Variants in PDZD2 observed in about 807,000 individuals in gnomAD.
PDZD2 encodes the protein PDZ domain-containing protein 2.
Under a neutral mutation model 220.7 loss-of-function variants are expected in PDZD2, and 90 were observed. That is an observed-to-expected ratio of 0.41 (90% CI 0.34 to 0.49). The LOEUF is 0.49. PDZD2 is among the 20% of genes least tolerant of loss of function. PDZD2 has a pLI of 0.28. For missense variants in PDZD2, 3,174 were observed against 3,608.5 expected (o/e 0.88, Z 3.08); for synonymous variants, 1,375 against 1,450.5 (o/e 0.95, Z 1.18).
chr5:31,838,766 G>A (rs1757094329), intron 2 of PDZD2, among the ~76,000 whole-genome samples: 1 of 152,198 alleles, frequency 6.6e-6, no homozygotes, highest in Non-Finnish European at 1.5e-5. Context: ...AGCACAGTCA[G>A]GGCATCTAGG....
intron 2 of PDZD2, among the ~76,000 whole-genome samples, chr5:31,948,063 GA>G (rs1178942975): frequency 6.6e-6 from 1 of 152,170 alleles, no homozygotes; most frequent in Non-Finnish European, 1.5e-5. Context: ...ACAGGTGGAA[GA>G]AATACTTTAT....
At position 32,072,185 on chromosome 5, in the gene PDZD2, C is replaced by T. The variant is rs146992641; in HGVS notation, c.2593C>T (p.Leu865Phe). 4 of 1,611,076 alleles carry T rather than the reference C, an allele frequency of 2.5e-6. No individual in the cohort carries two copies. The highest frequency in any genetic ancestry group is 4.5e-5 in the East Asian group (2 of 44,846). ...GGACTCCCTTATTTCTGAATCTGAA[C>T]TCTCCCAGTACTTTGCCCACGATGT... ...KKDSLISESE[L>F]SQYFAHDVPG... Residue 865 changes from leucine to phenylalanine, a missense_variant, in exon 17 of 25, where the codon CTC becomes TTC. By Grantham distance (22) the Leu-to-Phe change is conservative. Coordinates refer to ENST00000438447, the MANE Select transcript of PDZD2 (RefSeq NM_178140.4).
intron 2 of PDZD2, among the ~76,000 whole-genome samples, chr5:31,888,518 T>C (rs921391757): frequency 1.3e-5 from 2 of 151,450 alleles, no homozygotes; most frequent in Non-Finnish European, 3.0e-5. Flanking sequence ...AAAAAGAAAA[T>C]GGGATTGGAT....
intron 2 of PDZD2, among the ~76,000 whole-genome samples, chr5:31,886,180 T>C (rs1580993531): frequency 6.6e-6 from 1 of 152,188 alleles, no homozygotes; most frequent in South Asian, 2.1e-4. Context: ...GTTACAGGCG[T>C]GAGCCACTGT....
chr5:32,091,211 C>T, intron 20 of PDZD2, 36 bp downstream of exon 20: 1 of 1,426,602 alleles, frequency 7.0e-7, no homozygotes, highest in Non-Finnish European at 9.4e-7. Flanking sequence ...TTCAGATAAA[C>T]TTGTTTCATT....
intron 1 of PDZD2, among the ~76,000 whole-genome samples, chr5:31,679,594 A>G (rs1008198629): frequency 1.3e-5 from 2 of 152,114 alleles, no homozygotes; most frequent in African/African-American, 4.8e-5. Flanking sequence ...TGCAACCTCA[A>G]CCTCCCAAGT....
rs768296594 is a variant in PDZD2, at chr5:32,089,584, T to C, written c.6136T>C (p.Ser2046Pro). 1.9e-6 allele frequency: 3 copies of C among 1,612,554 alleles called. No homozygotes were observed. Among genetic ancestry groups the C allele is most frequent in the Non-Finnish European group, 2.5e-6 (3 of 1,179,988 alleles). ...VSPAASRNGM[S>P]VAGNRQSEPR... The stretch of plus-strand genomic sequence containing the variant: ...TCCGGCAGCGTCTAGGAACGGCATG[T>C]CCGTGGCAGGGAACAGACAGAGTGA... The change falls in exon 20 of 25, where the codon TCC becomes CCC. Residue 2046 changes from serine to proline, a missense_variant. Physicochemically the swap from Ser to Pro is moderately conservative, Grantham distance 74 (BLOSUM62 -1). Coordinates refer to ENST00000438447, the MANE Select transcript of PDZD2 (RefSeq NM_178140.4).
chr5:31,951,348 T>C (rs10472798), intron 2 of PDZD2, among the ~76,000 whole-genome samples: 43,761 of 152,078 alleles, frequency 0.29, 6,591 homozygotes, highest in Middle Eastern at 0.44. Flanking sequence ...ATCTACAGGG[T>C]TGAGCCACTG....
chr5:31,915,171 C>G (rs541428647), intron 2 of PDZD2, among the ~76,000 whole-genome samples: 1 of 152,262 alleles, frequency 6.6e-6, no homozygotes, highest in African/African-American at 2.4e-5. Flanking sequence ...TGCCACCTAC[C>G]CTCCTGATGC....
At chr5:31,963,273 C>T (rs1192721824) in intron 2 of PDZD2, among the ~76,000 whole-genome samples, 1 of 152,140 alleles carries the variant, frequency 6.6e-6, no homozygotes, top group Non-Finnish European at 1.5e-5. Context: ...TTTAATATTA[C>T]CACAACAGAG....
chr5:31,641,436 G>T (rs968369881), intron 1 of PDZD2, among the ~76,000 whole-genome samples: 1 of 152,144 alleles, frequency 6.6e-6, no homozygotes, highest in Admixed American at 6.5e-5. Flanking sequence ...AAGTCGAGAG[G>T]TTGATCCTGA....
chr5:31,653,787 T>TTTG (rs1745440407), intron 1 of PDZD2, among the ~76,000 whole-genome samples: 3 of 151,678 alleles, frequency 2.0e-5, no homozygotes, highest in African/African-American at 7.3e-5. Context: ...AGTATATGTT[T>TTTG]TTTGTTTGTT....
intron 2 of PDZD2, among the ~76,000 whole-genome samples, chr5:31,882,165 A>G (rs562260670): frequency 1.3e-5 from 2 of 152,368 alleles, no homozygotes; most frequent in South Asian, 4.1e-4. Context: ...ACGCTAAGCC[A>G]CATGCATACA....
rs149289599 is a variant in PDZD2, at chr5:32,090,812, C to T, written c.7364C>T (p.Thr2455Met). The change falls in exon 20 of 25, where the codon ACG becomes ATG. Residue 2455 changes from threonine (T) to methionine (M), a missense_variant. Thr to Met is a moderately conservative substitution (Grantham distance 81). Around this residue, in one of 4 missense-constraint regions of PDZD2, gnomAD observed 631 missense variants for 789.9 expected, o/e 0.80. Coordinates refer to ENST00000438447, the MANE Select transcript of PDZD2 (RefSeq NM_178140.4). This position sits in a 1 kb window ranked among gnomAD's most constrained non-coding sequence, Gnocchi z 4.3. ...GGTCCTTTGGGAATTCCCACCCCAA[C>T]GATGACCCTGGCTTCTCCTGTTAAG... ...SLGPLGIPTP[T>M]MTLASPVKRN... is the part of the protein sequence containing the mutation. The T allele has an allele frequency of 8.7e-5, 140 of 1,614,102 alleles. No homozygotes were observed. The African/African-American group carries it at 1.4e-3, about 16-fold the overall frequency.
rs1745200278 is a variant in PDZD2 at position 32,109,802 on chromosome 5, C to G, written c.*1667C>G. The G allele has an allele frequency of 6.6e-6, 1 of 152,594 alleles. No individual in the cohort carries two copies. Among genetic ancestry groups the G allele is most frequent in the Non-Finnish European group, 1.5e-5 (1 of 68,040 alleles). The allele number at this position is 152,594 out of a possible 1,614,324, so 9.5% of individuals were successfully genotyped here. A position where few individuals can be genotyped will look rare whatever the true frequency, so the allele number is the denominator to read the frequency against. On this transcript the variant is annotated 3_prime_UTR_variant, in exon 25 of 25. Coordinates refer to ENST00000438447, the MANE Select transcript of PDZD2 (RefSeq NM_178140.4). Reference sequence around the variant, plus strand: ...GGCTTTAGCCATCAGCTTTGTACATCATCATTTTTCTGAATGACCAATCCC... The same window carrying G: ...GGCTTTAGCCATCAGCTTTGTACATGATCATTTTTCTGAATGACCAATCCC...
At chr5:31,946,696 T>C (rs892142920) in intron 2 of PDZD2, among the ~76,000 whole-genome samples, 3 of 152,190 alleles carry the variant, frequency 2.0e-5, no homozygotes, top group African/African-American at 7.2e-5. Flanking sequence ...TTTTGTTTCG[T>C]TTTGTTTTTT....
At chr5:31,853,807 G>T (rs1156308040) in intron 2 of PDZD2, among the ~76,000 whole-genome samples, 1 of 152,186 alleles carries the variant, frequency 6.6e-6, no homozygotes, top group Non-Finnish European at 1.5e-5. Context: ...TGAACCCCAA[G>T]GAGTGGAGTG....
intron 15 of PDZD2, 144 bp from the exon 16 acceptor site, chr5:32,071,240 C>T (rs1740710068): frequency 1.4e-6 from 1 of 730,146 alleles, no homozygotes; most frequent in Non-Finnish European, 2.5e-6. Context: ...GCATGCACGT[C>T]TAACCCTGTG....
chr5:31,904,994 A>C (rs1367070106), intron 2 of PDZD2, among the ~76,000 whole-genome samples: 1 of 151,740 alleles, frequency 6.6e-6, no homozygotes, highest in Non-Finnish European at 1.5e-5. Flanking sequence ...TTGGAGACAG[A>C]GTCTTGCTCT....
Sources: allele counts gnomAD v4.1 joint callset (sites outside exome capture counted in the v4.1 genomes callset), GRCh38; gene constraint gnomAD v4.1.1; regional missense constraint gnomAD v4.1.1; non-coding constraint Gnocchi (gnomAD v3.1); transcripts MANE v1.5; gene names NCBI Gene and HGNC (gene_info 2026-07-23, HGNC 2026-07-21).